The following KCNAB1 variants were observed in gnomAD, a reference collection of about 807,000 sequenced individuals.
KCNAB1 encodes the protein potassium voltage-gated channel subfamily A regulatory beta subunit 1.
Under a neutral mutation model 64.6 loss-of-function variants are expected in KCNAB1, and 35 were observed. The ratio of observed to expected loss-of-function variants is 0.54; its 90% CI spans 0.41 to 0.72. KCNAB1 has a LOEUF of 0.72. KCNAB1 is among the 30% of genes least tolerant of loss of function. KCNAB1 has a pLI of 0.00. For synonymous variants in KCNAB1, 177 were observed against 183.8 expected (o/e 0.96, Z 0.30); for missense variants, 401 against 512.9 (o/e 0.78, Z 2.11).
intron 1 of KCNAB1, among the ~76,000 whole-genome samples, chr3:156,401,418 TTAA>T (rs1394639188): frequency 6.6e-6 from 1 of 152,250 alleles, no homozygotes; most frequent in Non-Finnish European, 1.5e-5. Context: ...GAATTGAGTC[TTAA>T]TTATAGGATT....
At chr3:156,179,272 T>G (rs915447941) in intron 1 of KCNAB1, among the ~76,000 whole-genome samples, 1 of 151,912 alleles carries the variant, frequency 6.6e-6, no homozygotes, top group African/African-American at 2.4e-5. Flanking sequence ...ATGCTAATAC[T>G]ATATATATAT....
chr3:156,515,537 ATTGGTGC>A (rs1717500175), intron 10 of KCNAB1, among the ~76,000 whole-genome samples: 1 of 152,178 alleles, frequency 6.6e-6, no homozygotes, highest in African/African-American at 2.4e-5. Context: ...TTCATTTTTC[ATTGGTGC>A]TTGCTCGAGT....
intron 1 of KCNAB1, among the ~76,000 whole-genome samples, chr3:156,197,862 T>G (rs1002302653): frequency 6.6e-6 from 1 of 152,232 alleles, no homozygotes. Context: ...GCTTTTCTAG[T>G]TCTTTTAATT....
At chr3:156,283,611 C>T (rs1411936916) in intron 1 of KCNAB1, among the ~76,000 whole-genome samples, 12 of 151,810 alleles carry the variant, frequency 7.9e-5, no homozygotes, top group South Asian at 6.3e-4. Context: ...ACCAATCAGA[C>T]GTAGATTTGG....
intron 1 of KCNAB1, chr3:156,273,588 T>C (rs1038660558): frequency 2.0e-5 from 9 of 456,526 alleles, no homozygotes; most frequent in East Asian, 6.9e-5. Context: ...GCTGCTGCTG[T>C]GGGGTGGGAG....
At chr3:156,167,886 T>A (rs1028466731) in intron 1 of KCNAB1, among the ~76,000 whole-genome samples, 7 of 152,160 alleles carry the variant, frequency 4.6e-5, no homozygotes, top group African/African-American at 1.7e-4. Flanking sequence ...TTGGACAGAA[T>A]GCTCTCTATA....
chr3:156,511,474 C>G (rs1162428198), intron 8 of KCNAB1, among the ~76,000 whole-genome samples: 1 of 152,158 alleles, frequency 6.6e-6, no homozygotes, highest in Non-Finnish European at 1.5e-5. Context: ...CTCGATTTTT[C>G]TCCCAAACCT....
At chr3:156,367,156 C>A (rs946989782) in intron 1 of KCNAB1, among the ~76,000 whole-genome samples, 38 of 149,646 alleles carry the variant, frequency 2.5e-4, no homozygotes, top group Non-Finnish European at 4.7e-4. Context: ...CAAGTGGCAT[C>A]TCAGAGTAAT....
At chr3:156,293,818 C>T (rs574384443) in intron 1 of KCNAB1, among the ~76,000 whole-genome samples, 3 of 152,282 alleles carry the variant, frequency 2.0e-5, no homozygotes, top group Non-Finnish European at 4.4e-5. Context: ...GTGGCACACA[C>T]GCAGCCCCTG....
intron 1 of KCNAB1, among the ~76,000 whole-genome samples, chr3:156,123,325 G>A (rs765049548): frequency 1.9e-4 from 29 of 152,276 alleles, no homozygotes; most frequent in Non-Finnish European, 4.1e-4. Flanking sequence ...AATTGCTAGC[G>A]AACTCAAACT....
At chr3:156,495,498 G>A (rs1026800745) in intron 8 of KCNAB1, among the ~76,000 whole-genome samples, 1 of 152,148 alleles carries the variant, frequency 6.6e-6, no homozygotes, top group Non-Finnish European at 1.5e-5. Flanking sequence ...ACCAGTGATA[G>A]ACTTGATAAA....
At chr3:156,442,186 T>G (rs1020370689) in intron 2 of KCNAB1, among the ~76,000 whole-genome samples, 1 of 152,214 alleles carries the variant, frequency 6.6e-6, no homozygotes, top group Admixed American at 6.5e-5. Flanking sequence ...AGTTACTACA[T>G]ATCATGAATT....
In KCNAB1 at chr3:156,458,107, T is replaced by C. The variant is rs900667364; in HGVS notation, c.437+575T>C. ...ATCTATCATCTTTTGTAAGAGGGGA[T>C]CTCAGAGCCCATTCTGAGGACAGGA... is the stretch of plus-strand genomic sequence containing the variant. On this transcript the variant is annotated intron_variant, in intron 4 of 13. Coordinates refer to ENST00000490337, the MANE Select transcript of KCNAB1 (RefSeq NM_172160.3). Among the ~76,000 whole-genome samples the C allele has an allele frequency of 2.6e-5, 4 of 152,266 alleles. 1 individual carries two copies. Among genetic ancestry groups the C allele is most frequent in the Middle Eastern group, 6.8e-3 (2 of 294 alleles).
At chr3:156,366,860 T>G (rs534338552) in intron 1 of KCNAB1, among the ~76,000 whole-genome samples, 14 of 152,366 alleles carry the variant, frequency 9.2e-5, no homozygotes, top group African/African-American at 2.9e-4. Context: ...ACATATGTCT[T>G]ATTTTAAAGG....
rs201656830 is a variant in KCNAB1 at position 156,219,102 on chromosome 3, G to GA, written c.275+98223dup. 6.8e-3 allele frequency among the ~76,000 whole-genome samples: 1,038 copies of GA among 151,562 alleles called. 16 individuals carry two copies. Among genetic ancestry groups the GA allele is most frequent in the African/African-American group, 0.024 (986 of 41,312 alleles). On this transcript the variant is annotated intron_variant, in intron 1 of 13. Transcript: ENST00000490337. Reference sequence around the variant, plus strand: ...CTCACCAGCAATGGATCCAAACCAAGAAAAAAATCTCTTAATTGCCAGAAA... The same window carrying GA: ...CTCACCAGCAATGGATCCAAACCAAGAAAAAAAATCTCTTAATTGCCAGAAA...
chr3:156,354,088 TATATATA>T (rs1725049353), intron 1 of KCNAB1, among the ~76,000 whole-genome samples: 1 of 145,410 alleles, frequency 6.9e-6, no homozygotes, highest in African/African-American at 2.5e-5. Context: ...TATGTGTGTA[TATATATA>T]ATATATGTAT....
At chr3:156,494,881 A>G (rs1350013362) in intron 8 of KCNAB1, among the ~76,000 whole-genome samples, 1 of 151,964 alleles carries the variant, frequency 6.6e-6, no homozygotes, top group African/African-American at 2.4e-5. Context: ...TCCAACTTTT[A>G]AGTTCAGGAA....
At chr3:156,431,652 T>C (rs1716218657) in intron 2 of KCNAB1, among the ~76,000 whole-genome samples, 1 of 152,210 alleles carries the variant, frequency 6.6e-6, no homozygotes, top group South Asian at 2.1e-4. Context: ...GTATTGAGTA[T>C]GAATGAATCA....
chr3:156,520,230 A>G (rs1717849103), intron 11 of KCNAB1, among the ~76,000 whole-genome samples: 3 of 152,306 alleles, frequency 2.0e-5, no homozygotes, highest in South Asian at 2.1e-4. Context: ...AAATAGAAAT[A>G]AATAGTGCAA....
Sources: allele counts gnomAD v4.1 joint callset (sites outside exome capture counted in the v4.1 genomes callset), GRCh38; gene constraint gnomAD v4.1.1; transcripts MANE v1.5; gene names NCBI Gene and HGNC (gene_info 2026-07-23, HGNC 2026-07-21).